The following ARK2C variants were observed in gnomAD, a reference collection of about 807,000 sequenced individuals.
The protein encoded by ARK2C is E3 ubiquitin-protein ligase ARK2C.
the ARK2C span, among the ~76,000 whole-genome samples, chr18:46,341,077 C>T: frequency 1.3e-5 from 2 of 152,210 alleles, no homozygotes; most frequent in Admixed American, 6.5e-5. Context: ...CAGGGAGCAC[C>T]GGGATCATTG....
the ARK2C span, among the ~76,000 whole-genome samples, chr18:46,413,672 G>A: frequency 7.9e-5 from 12 of 152,136 alleles, no homozygotes; most frequent in South Asian, 2.5e-3. Context: ...GATGAGAAAG[G>A]GCAGGAGAGC....
the ARK2C span, among the ~76,000 whole-genome samples, chr18:46,419,157 G>A: frequency 6.6e-6 from 1 of 152,168 alleles, no homozygotes; most frequent in African/African-American, 2.4e-5. Flanking sequence ...GCCTGTTGCT[G>A]GGTGCCCTTG....
the ARK2C span, chr18:46,334,540 G>A: frequency 6.1e-6 from 3 of 493,032 alleles, no homozygotes; most frequent in Non-Finnish European, 7.1e-6. The surrounding 1 kb of genome is among the most constrained non-coding windows in gnomAD (Gnocchi z 4.4). Context: ...TGAAGTTAGG[G>A]TTTGGCGAAT....
the ARK2C span, among the ~76,000 whole-genome samples, chr18:46,415,044 C>T: frequency 6.6e-6 from 1 of 152,160 alleles, no homozygotes; most frequent in Non-Finnish European, 1.5e-5. Flanking sequence ...AGGAAATGGG[C>T]AGGGGAGGGA....
the ARK2C span, among the ~76,000 whole-genome samples, chr18:46,371,247 G>C: frequency 3.0e-4 from 45 of 152,274 alleles, no homozygotes; most frequent in African/African-American, 7.9e-4. Flanking sequence ...TACAATTCAA[G>C]ACGAGATTTG....
the ARK2C span, among the ~76,000 whole-genome samples, chr18:46,358,828 G>A: frequency 1.9e-4 from 29 of 152,276 alleles, no homozygotes; most frequent in African/African-American, 6.5e-4. Context: ...ACTGTGTCCC[G>A]GTGCCTAGAG....
the ARK2C span, among the ~76,000 whole-genome samples, chr18:46,409,783 G>A: frequency 6.6e-6 from 1 of 152,168 alleles, no homozygotes; most frequent in Non-Finnish European, 1.5e-5. Context: ...TGGCTTCAAG[G>A]CATCCTGGAG....
the ARK2C span, among the ~76,000 whole-genome samples, chr18:46,416,403 A>G: frequency 1.3e-5 from 2 of 152,172 alleles, no homozygotes; most frequent in Non-Finnish European, 2.9e-5. Flanking sequence ...AAGCACCCAG[A>G]TTGCATCCAG....
chr18:46,397,678 G>T, the ARK2C span, among the ~76,000 whole-genome samples: 1 of 146,726 alleles, frequency 6.8e-6, no homozygotes, highest in Admixed American at 6.8e-5. Context: ...GTGTGTGTGT[G>T]TGTGTGTGGT....
chr18:46,354,435 A>C, the ARK2C span, among the ~76,000 whole-genome samples: 1 of 152,246 alleles, frequency 6.6e-6, no homozygotes, highest in Non-Finnish European at 1.5e-5. Context: ...GCAGGATTGG[A>C]GAACACATGA....
At chr18:46,446,701 G>GAAAAAA in the ARK2C span, among the ~76,000 whole-genome samples, 1 of 116,610 alleles carries the variant, frequency 8.6e-6, no homozygotes, top group Non-Finnish European at 1.8e-5. Context: ...AAAAGGAAAA[G>GAAAAAA]AAAAAAAAAA....
the ARK2C span, among the ~76,000 whole-genome samples, chr18:46,365,311 G>T: frequency 3.3e-5 from 5 of 152,268 alleles, no homozygotes; most frequent in South Asian, 2.1e-4. Flanking sequence ...CCAACTCAGG[G>T]TTACGCAGGG....
the ARK2C span, among the ~76,000 whole-genome samples, chr18:46,447,283 T>A: frequency 6.6e-6 from 1 of 152,222 alleles, no homozygotes. Flanking sequence ...CTCTCAGGGA[T>A]GGACTTTGTC....
the ARK2C span, among the ~76,000 whole-genome samples, chr18:46,410,204 G>A: frequency 2.0e-5 from 3 of 152,166 alleles, no homozygotes; most frequent in Non-Finnish European, 4.4e-5. Flanking sequence ...GGCCCCAAAT[G>A]CTTAGCCAAG....
At chr18:46,361,582 C>T in the ARK2C span, among the ~76,000 whole-genome samples, 10 of 152,218 alleles carry the variant, frequency 6.6e-5, no homozygotes, top group Non-Finnish European at 1.3e-4. Flanking sequence ...CTTGCTTATT[C>T]CATTTGGTCC....
the ARK2C span, among the ~76,000 whole-genome samples, chr18:46,449,875 G>A: frequency 2.8e-3 from 433 of 152,266 alleles, no homozygotes; most frequent in African/African-American, 9.9e-3. Flanking sequence ...AAGGTGAAGG[G>A]AATGGACTCT....
chr18:46,455,921 C>T, the ARK2C span: 1 of 1,128,152 alleles, frequency 8.9e-7, no homozygotes, highest in South Asian at 1.3e-5. Context: ...AACCACCAGC[C>T]ACCAGCTGAG....
the ARK2C span, among the ~76,000 whole-genome samples, chr18:46,444,408 A>G: frequency 6.6e-6 from 1 of 151,902 alleles, no homozygotes; most frequent in Non-Finnish European, 1.5e-5. Context: ...TGACTGCTTG[A>G]TATTTTTACT....
the ARK2C span, chr18:46,336,633 T>C: frequency 2.0e-6 from 2 of 985,338 alleles, no homozygotes; most frequent in Admixed American, 6.1e-5. Context: ...TTAGTTTCCA[T>C]TGTAGTAGTG....
Sources: gnomAD v4.1 joint callset for allele counts (sites outside exome capture counted in the v4.1 genomes callset) on GRCh38, gnomAD v4.1.1 for gene constraint, Gnocchi (gnomAD v3.1) non-coding constraint, MANE v1.5 for transcripts, NCBI Gene and HGNC (gene_info 2026-07-23, HGNC 2026-07-21) for gene names.